Variants in NEK10 observed in about 807,000 individuals in gnomAD.
The protein encoded by NEK10 is NIMA related kinase 10.
A neutral mutation model predicts 159.8 loss-of-function variants in NEK10; 122 were observed. The observed-to-expected ratio is 0.76, with a 90% CI of 0.66 to 0.89. NEK10 has a LOEUF of 0.89. Among genes scored for constraint, NEK10 ranks in the 40% least tolerant of loss-of-function variants. The pLI is 0.00. For missense variants in NEK10, 1,342 were observed against 1,323.1 expected (o/e 1.01, Z -0.22); for synonymous variants, 466 against 457.1 (o/e 1.02, Z -0.25).
chr3:27,183,577 A>G (rs1482709078), intron 26 of NEK10, among the ~76,000 whole-genome samples: 1 of 152,098 alleles, frequency 6.6e-6, no homozygotes, highest in Non-Finnish European at 1.5e-5. Context: ...AATTACATGA[A>G]TAAGTCTTCA....
intron 23 of NEK10, among the ~76,000 whole-genome samples, chr3:27,210,986 C>G (rs1367196413): frequency 6.6e-5 from 10 of 152,158 alleles, no homozygotes; most frequent in African/African-American, 2.4e-4. Context: ...CATTTTATAT[C>G]TAATATACAT....
At chr3:27,279,072 C>A (rs551661199) in intron 22 of NEK10, 8 of 240,298 alleles carry the variant, frequency 3.3e-5, no homozygotes, top group East Asian at 3.6e-4. Context: ...CCAAGCATAG[C>A]AGAATATGTG....
chr3:27,255,571 C>A (rs549426169), intron 23 of NEK10, among the ~76,000 whole-genome samples: 7 of 152,068 alleles, frequency 4.6e-5, no homozygotes, highest in African/African-American at 1.7e-4. Context: ...TCCCTGAAAT[C>A]TGCTTTTCTA....
chr3:27,338,731 A>C (rs2046992332), intron 5 of NEK10, among the ~76,000 whole-genome samples: 2 of 152,212 alleles, frequency 1.3e-5, no homozygotes, highest in African/African-American at 2.4e-5. Context: ...TCTTCTTTTG[A>C]GAAGTGTCTG....
chr3:27,247,622 A>G (rs1290597685), intron 23 of NEK10, among the ~76,000 whole-genome samples: 3 of 151,730 alleles, frequency 2.0e-5, no homozygotes, highest in Non-Finnish European at 1.5e-5. Context: ...TGCAACCTCC[A>G]CCTCCTGGAC....
At chr3:27,287,588 A>G (rs1277582124) in intron 20 of NEK10, 110 bp downstream of exon 20, 1 of 1,195,412 alleles carries the variant, frequency 8.4e-7, no homozygotes. Context: ...TATTAACAAA[A>G]AAAGGTCAAT....
chr3:27,364,409 G>T (rs113750405), intron 1 of NEK10, among the ~76,000 whole-genome samples: 1 of 141,334 alleles, frequency 7.1e-6, no homozygotes. Flanking sequence ...TGTGTGTATA[G>T]TAGAGACGGG....
intron 33 of NEK10, among the ~76,000 whole-genome samples, chr3:27,116,652 C>T (rs1559473456): frequency 1.3e-5 from 2 of 151,734 alleles, no homozygotes; most frequent in Non-Finnish European, 2.9e-5. Flanking sequence ...TTTATTATTA[C>T]TATTATTATT....
At chr3:27,276,967 G>A (rs1402366628) in intron 22 of NEK10, among the ~76,000 whole-genome samples, 2 of 152,174 alleles carry the variant, frequency 1.3e-5, no homozygotes, top group African/African-American at 2.4e-5. Context: ...CTCTTACAAT[G>A]AGGAGTAGTC....
chr3:27,180,717 A>G (rs1446085134), intron 26 of NEK10, among the ~76,000 whole-genome samples: 1 of 152,180 alleles, frequency 6.6e-6, no homozygotes, highest in East Asian at 1.9e-4. Context: ...CAAAATTCCA[A>G]ACTGATTAAT....
At chr3:27,303,748 C>A (rs11918068) in intron 12 of NEK10, among the ~76,000 whole-genome samples, 3,080 of 152,304 alleles carry the variant, frequency 0.02, 110 homozygotes, top group African/African-American at 0.071. Context: ...TGGTAACACA[C>A]AGTTCTGCAA....
intron 19 of NEK10, among the ~76,000 whole-genome samples, chr3:27,289,494 C>A (rs187123299): frequency 4.6e-4 from 70 of 152,332 alleles, no homozygotes; most frequent in African/African-American, 1.7e-3. Context: ...TTGACAGTTT[C>A]TTTTCTTAGG....
At chr3:27,320,196 C>G (rs1456242260) in intron 6 of NEK10, among the ~76,000 whole-genome samples, 1 of 152,128 alleles carries the variant, frequency 6.6e-6, no homozygotes, top group African/African-American at 2.4e-5. Context: ...GTCACAAAAT[C>G]TCATAAAGTC....
At chr3:27,256,450 A>G in intron 22 of NEK10, 79 bp from the exon 23 acceptor site, 3 of 693,644 alleles carry the variant, frequency 4.3e-6, no homozygotes, top group Non-Finnish European at 4.6e-6. Context: ...GACAATCTAC[A>G]CAATAACTAC....
chr3:27,130,739 T>C (rs73821918), intron 32 of NEK10, among the ~76,000 whole-genome samples: 33 of 152,330 alleles, frequency 2.2e-4, no homozygotes, highest in African/African-American at 7.7e-4. Flanking sequence ...CATGGGAGAT[T>C]TAAGCTTTTA....
intron 29 of NEK10, among the ~76,000 whole-genome samples, chr3:27,163,052 A>G (rs1946162942): frequency 6.6e-6 from 1 of 152,130 alleles, no homozygotes. Context: ...CACTAAAAGG[A>G]TATAAGATTT....
At chr3:27,235,738 C>T (rs7616718) in intron 23 of NEK10, among the ~76,000 whole-genome samples, 25,406 of 152,000 alleles carry the variant, frequency 0.17, 4,542 homozygotes, top group African/African-American at 0.45. Flanking sequence ...AAATTCCATT[C>T]GACCCAGCAA....
At chr3:27,166,293 C>A (rs141575173) in intron 29 of NEK10, among the ~76,000 whole-genome samples, 240 of 152,238 alleles carry the variant, frequency 1.6e-3, no homozygotes, top group African/African-American at 5.6e-3. Context: ...CCCTCCTACT[C>A]CAATAACAGC....
In NEK10 at chr3:27,344,382, C is replaced by A; in HGVS notation, c.264-12G>T. The A allele has an allele frequency of 7.1e-7, 1 of 1,404,090 alleles. No individual in the cohort carries two copies. The highest frequency in any genetic ancestry group is 1.0e-6 in the Non-Finnish European group (1 of 1,000,916). 87.0% of individuals were successfully genotyped at this position (1,404,090 alleles called of 1,614,324 possible). On this transcript the variant is annotated splice_polypyrimidine_tract_variant and intron_variant, in intron 4 of 35. Transcript: ENST00000691995. ...TCTTGTAGTTTATACTGAGACAAAA[C>A]AAACAGAAAAGGATTTTGTAATAGA... is the stretch of plus-strand genomic sequence containing the variant.
Sources: gnomAD v4.1 joint callset for allele counts (sites outside exome capture counted in the v4.1 genomes callset) on GRCh38, gnomAD v4.1.1 for gene constraint, MANE v1.5 for transcripts, NCBI Gene and HGNC (gene_info 2026-07-23, HGNC 2026-07-21) for gene names.